The following CCDC33 variants were observed in gnomAD, a reference collection of about 807,000 sequenced individuals.
The protein encoded by CCDC33 is coiled-coil domain containing 33, also known as coiled-coil domain-containing protein 33.
CCDC33 carries 94 observed loss-of-function variants against 91.9 expected under a neutral mutation model. The ratio of observed to expected loss-of-function variants is 1.02; its 90% CI spans 0.87 to 1.21. The LOEUF (loss-of-function observed/expected upper bound fraction) is 1.21, where lower values mean the gene tolerates loss of function less well. Among genes scored for constraint, CCDC33 ranks in the 50% most tolerant of loss-of-function variants. The pLI is 0.00. For missense variants in CCDC33, 940 were observed against 935.5 expected, an observed-to-expected ratio of 1.00 and a Z score of -0.06; for synonymous variants, 396 against 374.5, an observed-to-expected ratio of 1.06 and a Z score of -0.66.
chr15:74,328,846 G>C (rs2060365530), intron 11 of CCDC33, among the ~76,000 whole-genome samples: 1 of 152,172 alleles, frequency 6.6e-6, no homozygotes, highest in Non-Finnish European at 1.5e-5. Flanking sequence ...CTGGAGGTGT[G>C]AGTCCCCACC....
intron 2 of CCDC33, among the ~76,000 whole-genome samples, chr15:74,222,523 CT>C (rs2074633541): frequency 8.8e-6 from 1 of 114,154 alleles, no homozygotes; most frequent in East Asian, 3.2e-4. Flanking sequence ...TTTTTTTTTT[CT>C]TTTTCTTTTC....
intron 2 of CCDC33, among the ~76,000 whole-genome samples, chr15:74,209,860 G>A (rs1210694211): frequency 1.3e-5 from 2 of 152,196 alleles, no homozygotes; most frequent in Non-Finnish European, 2.9e-5. Flanking sequence ...GCCAAGAAGC[G>A]GGGCCCTAAA....
At chr15:74,216,958 T>C (rs2074462258), upstream of CCDC33, among the ~76,000 whole-genome samples, 3 of 152,208 alleles carry the variant, frequency 2.0e-5, no homozygotes, top group African/African-American at 4.8e-5. Context: ...CACTAGAAGA[T>C]AAGCTTCAGA....
chr15:74,330,378 G>T, intron 12 of CCDC33, 24 bp downstream of exon 12: 1 of 1,541,742 alleles, frequency 6.5e-7, no homozygotes, highest in South Asian at 1.2e-5. Context: ...GGCCACCAAG[G>T]GCACCCGGGC....
At chr15:74,328,725 C>G (rs964886238) in intron 11 of CCDC33, among the ~76,000 whole-genome samples, 7 of 152,196 alleles carry the variant, frequency 4.6e-5, no homozygotes, top group Admixed American at 3.3e-4. Flanking sequence ...GACCCCTGCT[C>G]TCGAAGCCAT....
intron 10 of CCDC33, among the ~76,000 whole-genome samples, chr15:74,289,684 T>C (rs1046757067): frequency 6.6e-6 from 1 of 151,852 alleles, no homozygotes; most frequent in Non-Finnish European, 1.5e-5. Context: ...CACTTGGGGG[T>C]GCTGGGGCAG....
chr15:74,209,292 C>T, intron 1 of CCDC33: 1 of 1,389,790 alleles, frequency 7.2e-7, no homozygotes, highest in Admixed American at 2.0e-5. Context: ...GAGAAGCCTG[C>T]ACAGGGCTTT....
chr15:74,293,588 T>C (rs1217600560), intron 10 of CCDC33, among the ~76,000 whole-genome samples: 3 of 152,224 alleles, frequency 2.0e-5, no homozygotes, highest in Non-Finnish European at 2.9e-5. Context: ...CCTGGGTGTC[T>C]TCACGTCAGT....
chr15:74,323,311 T>C (rs1382838795), intron 11 of CCDC33, among the ~76,000 whole-genome samples: 3 of 152,018 alleles, frequency 2.0e-5, no homozygotes, highest in Non-Finnish European at 4.4e-5. Flanking sequence ...GTAACCCATT[T>C]CACAATTTAA....
At chr15:74,217,368 T>C (rs763903488) in exon 1 of CCDC33, 27 of 1,289,874 alleles carry the variant, frequency 2.1e-5, no homozygotes, top group African/African-American at 3.0e-5. Flanking sequence ...GTTCGAAGTT[T>C]TGAGCGTGGG....
At chr15:74,305,482 A>G (rs2059876304) in intron 11 of CCDC33, among the ~76,000 whole-genome samples, 2 of 152,314 alleles carry the variant, frequency 1.3e-5, no homozygotes, top group Middle Eastern at 3.4e-3. Flanking sequence ...TGCAAAGGCC[A>G]AGGGAAGTGA....
At chr15:74,311,541 G>A (rs117001551) in intron 11 of CCDC33, 5 of 152,340 alleles carry the variant, frequency 3.3e-5, no homozygotes, top group South Asian at 2.1e-4. Flanking sequence ...TTATTGACTC[G>A]TTGTAGTAAG....
upstream of CCDC33, among the ~76,000 whole-genome samples, chr15:74,216,482 T>C (rs2074449812): frequency 6.8e-6 from 1 of 146,328 alleles, no homozygotes; most frequent in Non-Finnish European, 1.5e-5. Context: ...ATTTTAATCA[T>C]TGCAGAGGAA....
chr15:74,264,514 T>A lies in CCDC33; in HGVS notation c.319+1941T>A, dbSNP rs199499308. The stretch of plus-strand genomic sequence containing the variant: ...CTCCAGGAATAGCGGGTGGGGAAAA[T>A]GTACGGCACTCACCTCTCGTTCAAC... On this transcript the variant is annotated intron_variant, in intron 3 of 18. Transcript: ENST00000398814. Among the ~76,000 whole-genome samples, 53 of 152,114 alleles carry A rather than the reference T, an allele frequency of 3.5e-4. No homozygotes were observed. The East Asian group carries it at 0.01, about 29-fold the overall frequency.
At chr15:74,285,440 A>G (rs1408970247) in intron 10 of CCDC33, among the ~76,000 whole-genome samples, 1 of 152,138 alleles carries the variant, frequency 6.6e-6, no homozygotes, top group East Asian at 1.9e-4. Context: ...CTGTGCTGCC[A>G]TGACAGACAG....
chr15:74,317,527 CGGG>C (rs1567028513), intron 11 of CCDC33, among the ~76,000 whole-genome samples: 2 of 152,148 alleles, frequency 1.3e-5, no homozygotes, highest in African/African-American at 4.8e-5. Flanking sequence ...GATTTTGAAA[CGGG>C]TAGAGGTGAC....
chr15:74,272,735 G>A (rs1427775284), intron 6 of CCDC33, 36 bp from the exon 7 acceptor site: 9 of 1,610,538 alleles, frequency 5.6e-6, no homozygotes, highest in Middle Eastern at 3.3e-4. Flanking sequence ...CAGGTGCAGA[G>A]CCCAGAGCAC....
Position 74,280,791 on chromosome 15 carries a change from T to C in CCDC33, c.1013T>C (p.Leu338Pro). The C allele has an allele frequency of 6.5e-7, 1 of 1,532,018 alleles. No individual in the cohort carries two copies. The highest frequency in any genetic ancestry group is 1.3e-5 in the South Asian group (1 of 78,444). The allele number at this position is 1,532,018 out of a possible 1,614,324, so 94.9% of individuals were successfully genotyped here. A position where few individuals can be genotyped will look rare whatever the true frequency, so the allele number is the denominator to read the frequency against. The change falls in exon 9 of 19, where the codon CTC becomes CCC. Residue 338 changes from leucine (L) to proline (P), a missense_variant. Coordinates refer to ENST00000398814, the MANE Select transcript of CCDC33 (RefSeq NM_025055.5). ...TTGGACGGGCTTCACGTGGAGCGGC[T>C]CCCCATCATGGTGAGCCCCCTGCCC... is the stretch of plus-strand genomic sequence containing the variant. ...KGLDGLHVER[L>P]PIMDTSLKTI...
At chr15:74,322,981 CCTT>C (rs1256360557) in intron 11 of CCDC33, among the ~76,000 whole-genome samples, 1 of 152,186 alleles carries the variant, frequency 6.6e-6, no homozygotes, top group Non-Finnish European at 1.5e-5. Flanking sequence ...TCTCAGGCCT[CCTT>C]CTCTGGGAGA....
Sources: gnomAD v4.1 joint callset for allele counts (sites outside exome capture counted in the v4.1 genomes callset) on GRCh38, gnomAD v4.1.1 for gene constraint, MANE v1.5 for transcripts, NCBI Gene and HGNC (gene_info 2026-07-23, HGNC 2026-07-21) for gene names.